The following SLC26A2 variants were observed in gnomAD, a reference collection of about 807,000 sequenced individuals.
The protein encoded by SLC26A2 is sulfate transporter.
Under a neutral mutation model 41.1 loss-of-function variants are expected in SLC26A2, and 36 were observed. That is an observed-to-expected ratio of 0.88 (90% CI 0.67 to 1.16). The LOEUF (loss-of-function observed/expected upper bound fraction) is 1.16. SLC26A2 is among the 50% of genes most tolerant of loss of function. The probability of loss-of-function intolerance (pLI) is 0.00; values close to 1 mark genes in which losing one functional copy is unlikely to be tolerated. For synonymous variants in SLC26A2, 291 were observed against 311.6 expected, an observed-to-expected ratio of 0.93 and a Z score of 0.70; for missense variants, 796 against 869.6, an observed-to-expected ratio of 0.92 and a Z score of 1.07.
intron 1 of SLC26A2, among the ~76,000 whole-genome samples, chr5:149,976,283 C>T (rs927306693): frequency 6.6e-6 from 1 of 152,146 alleles, no homozygotes; most frequent in African/African-American, 2.4e-5. Flanking sequence ...TCAGATTACA[C>T]TGATGAACAA....
In SLC26A2 at chr5:149,985,239, G is replaced by A. The variant is rs964585724; in HGVS notation, c.*3426G>A. Reference sequence around the variant, plus strand: ...GGGCTGACCTACTCTGGAGCACGGTGTCTTCCTTCTAAACTGAGTGACTGT... The same window carrying A: ...GGGCTGACCTACTCTGGAGCACGGTATCTTCCTTCTAAACTGAGTGACTGT... On this transcript the variant is annotated 3_prime_UTR_variant, in exon 3 of 3. Coordinates refer to ENST00000286298, the MANE Select transcript of SLC26A2 (RefSeq NM_000112.4). 4.6e-5 allele frequency: 7 copies of A among 152,152 alleles called. No homozygotes were observed. Among genetic ancestry groups the A allele is most frequent in the East Asian group, 1.9e-4 (1 of 5,184 alleles). The allele number at this position is 152,152 out of a possible 1,614,324, so 9.4% of individuals were successfully genotyped here. A position where few individuals can be genotyped will look rare whatever the true frequency, so the allele number is the denominator to read the frequency against.
intron 1 of SLC26A2, among the ~76,000 whole-genome samples, chr5:149,974,438 T>C (rs927194977): frequency 2.6e-5 from 4 of 151,254 alleles, no homozygotes; most frequent in Non-Finnish European, 4.4e-5. Flanking sequence ...TGTATTTTTT[T>C]TTTGAGACAG....
In SLC26A2 at chr5:149,978,346, T is replaced by G. The variant is rs1581230984; in HGVS notation, c.694T>G (p.Tyr232Asp). 1.2e-6 allele frequency: 2 copies of G among 1,610,442 alleles called. No homozygotes were observed. Among genetic ancestry groups the G allele is most frequent in the Non-Finnish European group, 1.7e-6 (2 of 1,178,566 alleles). ...CACTGTAACCTTTATAGCTGGAGTT[T>G]ATCAGGTAAGCAGCAATGAAACAAT... ...GSTVTFIAGV[Y>D]QVAMGFFQVG... Residue 232 changes from tyrosine to aspartate, a missense_variant, in exon 2 of 3, where the codon TAT (tyrosine) becomes GAT (aspartate). Physicochemically the swap from Tyr to Asp is radical, Grantham distance 160 (BLOSUM62 -3). Transcript: ENST00000286298.
chr5:149,986,361 G>A lies in SLC26A2; in HGVS notation c.*4548G>A, dbSNP rs1755199689. 6.6e-6 allele frequency: 1 copy of A among 151,550 alleles called. No individual in the cohort carries two copies. The highest frequency in any genetic ancestry group is 1.5e-5 in the Non-Finnish European group (1 of 67,900). The allele number at this position is 151,550 out of a possible 1,614,324, so 9.4% of individuals were successfully genotyped here. Reference sequence around the variant, plus strand: ...CAAGAATGAAAATTATAATGGAAAAGGACAAAATAATATACCAGCTGGTTT... The same window carrying A: ...CAAGAATGAAAATTATAATGGAAAAAGACAAAATAATATACCAGCTGGTTT... On this transcript the variant is annotated 3_prime_UTR_variant, in exon 3 of 3. Coordinates refer to ENST00000286298, the MANE Select transcript of SLC26A2 (RefSeq NM_000112.4).
At position 149,985,816 on chromosome 5, in the gene SLC26A2, C is replaced by T. The variant is rs1755189255; in HGVS notation, c.*4003C>T. The T allele has an allele frequency of 6.6e-6, 1 of 152,170 alleles. No homozygotes were observed. The allele number at this position is 152,170 out of a possible 1,614,324, so 9.4% of individuals were successfully genotyped here. A position where few individuals can be genotyped will look rare whatever the true frequency, so the allele number is the denominator to read the frequency against. ...TAGGACCCTGGGCCAAGTGCTGGGA[C>T]TATGGTACTAAATCCAGTAGATGGG... On this transcript the variant is annotated 3_prime_UTR_variant, in exon 3 of 3. Coordinates refer to ENST00000286298, the MANE Select transcript of SLC26A2 (RefSeq NM_000112.4).
chr5:149,985,667 C>T lies in SLC26A2; in HGVS notation c.*3854C>T, dbSNP rs1256039187. On this transcript the variant is annotated 3_prime_UTR_variant, in exon 3 of 3. Coordinates refer to ENST00000286298, the MANE Select transcript of SLC26A2 (RefSeq NM_000112.4). ...AGTCTTGAAGTTATAATGATCCATTCGAGTTCTGTGATCCTTATTGTTCTT... is the reference window on the plus strand; with the variant it reads ...AGTCTTGAAGTTATAATGATCCATTTGAGTTCTGTGATCCTTATTGTTCTT... 8 of 152,158 alleles carry T rather than the reference C, an allele frequency of 5.3e-5. No homozygotes were observed. Among genetic ancestry groups the T allele is most frequent in the Admixed American group, 4.6e-4 (7 of 15,278 alleles). 9.4% of individuals were successfully genotyped at this position (152,158 alleles called of 1,614,324 possible). A position where few individuals can be genotyped will look rare whatever the true frequency, so the allele number is the denominator to read the frequency against.
At position 149,978,145 on chromosome 5, in the gene SLC26A2, T is replaced by G; in HGVS notation, c.493T>G (p.Phe165Val). Residue 165 changes from phenylalanine to valine, a missense_variant, in exon 2 of 3, where the codon TTT becomes GTT. Coordinates refer to ENST00000286298, the MANE Select transcript of SLC26A2 (RefSeq NM_000112.4). ...CTCCCGTCACATCTCTGTGGGCATT[T>G]TTGGAGTACTGTGCCTTATGATTGG... ...GTSRHISVGI[F>V]GVLCLMIGET... The G allele has an allele frequency of 6.2e-7, 1 of 1,606,492 alleles. No homozygotes were observed. The highest frequency in any genetic ancestry group is 1.3e-5 in the African/African-American group (1 of 74,636).
Position 149,977,764 on chromosome 5 carries a change from G to T in SLC26A2, c.112G>T (p.Asp38Tyr), listed in dbSNP as rs757970578. The T allele has an allele frequency of 1.2e-6, 2 of 1,613,880 alleles. No individual in the cohort carries two copies. Among genetic ancestry groups the T allele is most frequent in the East Asian group, 4.5e-5 (2 of 44,876 alleles). ...HLELQRESST[D>Y]FKQFETNDQC... Reference sequence around the variant, plus strand: ...GGAACTTCAAAGGGAATCAAGTACTGACTTCAAGCAATTTGAGACCAATGA... The same window carrying T: ...GGAACTTCAAAGGGAATCAAGTACTTACTTCAAGCAATTTGAGACCAATGA... The change falls in exon 2 of 3, where the codon GAC becomes TAC. Residue 38 changes from aspartate (D) to tyrosine (Y), a missense_variant. By Grantham distance (160) the Asp-to-Tyr change is radical. Coordinates refer to ENST00000286298, the MANE Select transcript of SLC26A2 (RefSeq NM_000112.4).
intron 1 of SLC26A2, among the ~76,000 whole-genome samples, chr5:149,972,215 C>G (rs1240101814): frequency 6.6e-6 from 1 of 152,222 alleles, no homozygotes; most frequent in East Asian, 1.9e-4. Context: ...ATGCCATAAT[C>G]ATAGTAGTCA....
intron 1 of SLC26A2, among the ~76,000 whole-genome samples, chr5:149,969,776 G>A (rs1365711247): frequency 6.6e-6 from 1 of 152,138 alleles, no homozygotes; most frequent in Non-Finnish European, 1.5e-5. Flanking sequence ...CTTTTCCTGG[G>A]TCTTGGACTA....
intron 1 of SLC26A2, among the ~76,000 whole-genome samples, chr5:149,965,570 T>A (rs1754792686): frequency 6.6e-6 from 1 of 150,994 alleles, no homozygotes; most frequent in Non-Finnish European, 1.5e-5. Flanking sequence ...TTATTAAAAA[T>A]ATATTTTTAA....
In SLC26A2 at chr5:149,984,282, C is replaced by T. The variant is rs1755156414; in HGVS notation, c.*2469C>T. On this transcript the variant is annotated 3_prime_UTR_variant, in exon 3 of 3. Transcript: ENST00000286298. The stretch of plus-strand genomic sequence containing the variant: ...TCCTCTCTACTTGGGTTGAGGTTGC[C>T]TATACTTGCATATTGTTAAAATGTT... 1 of 152,198 alleles carries T rather than the reference C, an allele frequency of 6.6e-6. No individual in the cohort carries two copies. The highest frequency in any genetic ancestry group is 1.5e-5 in the Non-Finnish European group (1 of 68,046). 9.4% of individuals were successfully genotyped at this position (152,198 alleles called of 1,614,324 possible).
chr5:149,961,343 A>G (rs1754701734), intron 1 of SLC26A2, among the ~76,000 whole-genome samples: 1 of 152,196 alleles, frequency 6.6e-6, no homozygotes, highest in Non-Finnish European at 1.5e-5. Context: ...AGGAGCCACC[A>G]CCACCTCGGA....
In SLC26A2 at chr5:149,981,687, A is replaced by G. The variant is rs371461728; in HGVS notation, c.2094A>G (p.Glu698=). The change falls in exon 3 of 3, where the codon GAA becomes GAG. Residue 698 remains glutamate, a synonymous_variant. Transcript: ENST00000286298. The part of the protein sequence containing the change: ...PTVRDSLTNG[E]YCKKEEENLL... ...TGAGGGATTCCCTAACCAACGGAGA[A>G]TATTGCAAAAAGGAAGAAGAAAACC... is the stretch of plus-strand genomic sequence containing the variant. 3 of 1,612,278 alleles carry G rather than the reference A, an allele frequency of 1.9e-6. No individual in the cohort carries two copies. Among genetic ancestry groups the G allele is most frequent in the African/African-American group, 2.7e-5 (2 of 74,844 alleles).
chr5:149,976,710 A>C (rs1754997871), intron 1 of SLC26A2, among the ~76,000 whole-genome samples: 1 of 152,040 alleles, frequency 6.6e-6, no homozygotes, highest in African/African-American at 2.4e-5. Flanking sequence ...GGTAGATCTT[A>C]TGGCATTAGT....
intron 1 of SLC26A2, among the ~76,000 whole-genome samples, chr5:149,976,821 G>A (rs1479064991): frequency 1.3e-5 from 2 of 152,204 alleles, no homozygotes; most frequent in Non-Finnish European, 2.9e-5. Flanking sequence ...TTCAGTGTGT[G>A]TACTTAGAAT....
At position 149,983,397 on chromosome 5, in the gene SLC26A2, C is replaced by G. The variant is rs1755139931; in HGVS notation, c.*1584C>G. The stretch of plus-strand genomic sequence containing the variant: ...TTTCTGTCTTATAGGTGATTTCTGT[C>G]TTATAGGTGATTATAATCAAGTGTA... On this transcript the variant is annotated 3_prime_UTR_variant, in exon 3 of 3. Transcript: ENST00000286298. 1 of 152,048 alleles carries G rather than the reference C, an allele frequency of 6.6e-6. No homozygotes were observed. Among genetic ancestry groups the G allele is most frequent in the African/African-American group, 2.4e-5 (1 of 41,406 alleles). The allele number at this position is 152,048 out of a possible 1,614,324, so 9.4% of individuals were successfully genotyped here.
chr5:149,980,829 C>T lies in SLC26A2; in HGVS notation c.1236C>T (p.Val412=), dbSNP rs1280871025. Residue 412 remains valine, a synonymous_variant, in exon 3 of 3, where the codon GTC becomes GTT. Transcript: ENST00000286298. The part of the protein sequence containing the change: ...EMFAKKHGYT[V]KANQEMYAIG... ...TTGCCAAGAAACATGGTTACACAGTCAAAGCAAACCAGGAAATGTATGCCA... is the reference window on the plus strand; with the variant it reads ...TTGCCAAGAAACATGGTTACACAGTTAAAGCAAACCAGGAAATGTATGCCA... 6.2e-7 allele frequency: 1 copy of T among 1,614,066 alleles called. No homozygotes were observed. Among genetic ancestry groups the T allele is most frequent in the South Asian group, 1.1e-5 (1 of 91,060 alleles).
In SLC26A2 at chr5:149,960,856, G is replaced by A. The variant is rs1381860474; in HGVS notation, c.-149G>A. 2.0e-5 allele frequency: 3 copies of A among 152,312 alleles called. No individual in the cohort carries two copies. Among genetic ancestry groups the A allele is most frequent in the East Asian group, 1.9e-4 (1 of 5,186 alleles). The allele number at this position is 152,312 out of a possible 1,614,324, so 9.4% of individuals were successfully genotyped here. On this transcript the variant is annotated 5_prime_UTR_variant, in exon 1 of 3. Coordinates refer to ENST00000286298, the MANE Select transcript of SLC26A2 (RefSeq NM_000112.4). ...GCCCCGCCTCCTTCGGAGTCCGAGC[G>A]ATGGGCGGGGAAAGGGACAGGCAGG...
Sources: allele counts gnomAD v4.1 joint callset (sites outside exome capture counted in the v4.1 genomes callset), GRCh38; gene constraint gnomAD v4.1.1; transcripts MANE v1.5; gene names NCBI Gene and HGNC (gene_info 2026-07-23, HGNC 2026-07-21).